The following FLYWCH1 variants were observed in gnomAD, a reference collection of about 807,000 sequenced individuals.
FLYWCH1 encodes the protein FLYWCH-type zinc finger 1.
A neutral mutation model predicts 66.4 loss-of-function variants in FLYWCH1; 75 were observed. The ratio of observed to expected loss-of-function variants is 1.13; its 90% confidence interval spans 0.94 to 1.37. The LOEUF (loss-of-function observed/expected upper bound fraction) is 1.37, where lower values mean the gene tolerates loss of function less well. Ranked by LOEUF, FLYWCH1 falls within the 40% of genes most tolerant of loss-of-function variation. FLYWCH1 has a pLI of 0.00. For missense variants in FLYWCH1, 1,334 were observed against 1,001.8 expected (o/e 1.33, Z -4.48); for synonymous variants, 595 against 429.9 (o/e 1.38, Z -4.75).
intron 8 of FLYWCH1, 96 bp downstream of exon 8, chr16:2,938,552 C>T (rs2071119015): frequency 8.7e-6 from 10 of 1,150,712 alleles, no homozygotes; most frequent in Non-Finnish European, 1.1e-5. Context: ...ACTGAGCAGA[C>T]TGCTTTTGTG....
chr16:2,936,273 C>A (rs1239360075), intron 6 of FLYWCH1: 1 of 391,958 alleles, frequency 2.6e-6, no homozygotes, highest in Non-Finnish European at 5.1e-6. Flanking sequence ...CACACCACCC[C>A]CTCCCGTGGC....
chr16:2,927,693 T>C (rs2070620508), intron 2 of FLYWCH1, among the ~76,000 whole-genome samples: 2 of 152,188 alleles, frequency 1.3e-5, no homozygotes, highest in South Asian at 4.1e-4. Flanking sequence ...ATCATGAGAC[T>C]CTTAATCTCA....
intron 9 of FLYWCH1, among the ~76,000 whole-genome samples, chr16:2,940,869 AT>A (rs2071232896): frequency 3.5e-5 from 1 of 28,820 alleles, no homozygotes; most frequent in Non-Finnish European, 6.1e-5. Flanking sequence ...CAGGCAGATC[AT>A]TTGTAATTCC....
rs552082643 is a variant in FLYWCH1 at position 2,916,189 on chromosome 16, A to G, written c.-74+1900A>G. On this transcript the variant is annotated intron_variant, in intron 2 of 9. Transcript: ENST00000253928. ...TGATGAAACCTCATCTCTACTAAAA[A>G]CAAAAGTTAGCTGGGCGTGTTGGTG... Among the ~76,000 whole-genome samples the G allele has an allele frequency of 6.6e-5, 10 of 152,238 alleles. 1 individual carries two copies. The highest frequency in any genetic ancestry group is 2.4e-4 in the African/African-American group (10 of 41,540).
chr16:2,922,292 G>A (rs897975734), intron 2 of FLYWCH1: 2 of 156,496 alleles, frequency 1.3e-5, no homozygotes, highest in Admixed American at 1.3e-4. Flanking sequence ...TACCATATTG[G>A]TCATTCATGT....
intron 9 of FLYWCH1, among the ~76,000 whole-genome samples, chr16:2,941,670 A>T (rs575995349): frequency 6.6e-6 from 1 of 152,116 alleles, no homozygotes; most frequent in East Asian, 1.9e-4. Context: ...TGAGCCCAGG[A>T]GTTCCATACT....
intron 9 of FLYWCH1, among the ~76,000 whole-genome samples, chr16:2,945,314 C>G (rs995309496): frequency 6.6e-6 from 1 of 151,698 alleles, no homozygotes; most frequent in South Asian, 2.1e-4. Context: ...GGTAAAATCC[C>G]GTCTCTACTA....
chr16:2,919,332 C>T (rs2070285262), intron 2 of FLYWCH1, among the ~76,000 whole-genome samples: 1 of 150,228 alleles, frequency 6.7e-6, no homozygotes, highest in Non-Finnish European at 1.5e-5. Context: ...GTGGTATGGT[C>T]TCGGCTCACT....
At position 2,938,242 on chromosome 16, in the gene FLYWCH1, C is replaced by G. The variant is rs376763122; in HGVS notation, c.1836C>G (p.His612Gln). Residue 612 changes from histidine to glutamine, a missense_variant, in exon 8 of 10, where the codon CAC becomes CAG. Transcript: ENST00000253928. The stretch of plus-strand genomic sequence containing the variant: ...CCCTGGGGGGCAGGTTCCTGGTGCA[C>G]GAGTCCTTCCTCTACAGGAAGGAGA... ...RTSLGGRFLV[H>Q]ESFLYRKEKA... 1.9e-6 allele frequency: 3 copies of G among 1,613,106 alleles called. No homozygotes were observed. The highest frequency in any genetic ancestry group is 1.7e-6 in the Non-Finnish European group (2 of 1,179,622).
At chr16:2,942,501 A>G (rs542674166) in intron 9 of FLYWCH1, among the ~76,000 whole-genome samples, 1 of 152,264 alleles carries the variant, frequency 6.6e-6, no homozygotes, top group South Asian at 2.1e-4. Flanking sequence ...AAGCAAAGGA[A>G]TCACAAAGAG....
rs774174319 is a variant in FLYWCH1 at position 2,933,774 on chromosome 16, C to A, written c.1308C>A (p.Phe436Leu). ...GCAGCTTCCTGGTGTACGAGTCCTTCCTCTACCGGCGGGAGAAGGCGGCTG... is the reference window on the plus strand; with the variant it reads ...GCAGCTTCCTGGTGTACGAGTCCTTACTCTACCGGCGGGAGAAGGCGGCTG... ...LGGSFLVYESFLYRREKAAGE... is the reference protein window; with the variant it reads ...LGGSFLVYESLLYRREKAAGE... Residue 436 changes from phenylalanine (F) to leucine (L), a missense_variant, in exon 6 of 10, where the codon TTC (phenylalanine) becomes TTA (leucine). Physicochemically the swap from Phe to Leu is conservative, Grantham distance 22. Coordinates refer to ENST00000253928, the MANE Select transcript of FLYWCH1 (RefSeq NM_001308068.2). 6.2e-7 allele frequency: 1 copy of A among 1,613,152 alleles called. No homozygotes were observed. Among genetic ancestry groups the A allele is most frequent in the Non-Finnish European group, 8.5e-7 (1 of 1,179,652 alleles).
Position 2,938,390 on chromosome 16 carries a change from C to T in FLYWCH1, c.1984C>T (p.Leu662=). The change falls in exon 8 of 10, where the codon CTG becomes TTG. Residue 662 remains leucine, a synonymous_variant. Coordinates refer to ENST00000253928, the MANE Select transcript of FLYWCH1 (RefSeq NM_001308068.2). ...VMRSHCHQPD[L]AGLEALRQRE... is the part of the protein sequence containing the mutation. ...GCGCAGCCACTGCCATCAGCCTGAC[C>T]TGGCAGGCCTGGAGGCCTTGAGGCA... 6.4e-7 allele frequency: 1 copy of T among 1,564,318 alleles called. No homozygotes were observed. The highest frequency in any genetic ancestry group is 1.2e-5 in the South Asian group (1 of 83,176).
intron 2 of FLYWCH1, among the ~76,000 whole-genome samples, chr16:2,925,804 C>T (rs536752398): frequency 6.6e-6 from 1 of 152,100 alleles, no homozygotes; most frequent in Non-Finnish European, 1.5e-5. Context: ...GGGACCGGGC[C>T]TTAATGGAGT....
intron 1 of FLYWCH1, chr16:2,913,178 G>A (rs1475494504): frequency 1.3e-5 from 2 of 152,248 alleles, no homozygotes; most frequent in African/African-American, 4.8e-5. Context: ...ACCCTATGTG[G>A]AGAATTGGAG....
chr16:2,940,637 T>C (rs773436992), intron 9 of FLYWCH1, among the ~76,000 whole-genome samples: 4 of 152,178 alleles, frequency 2.6e-5, no homozygotes, highest in Non-Finnish European at 4.4e-5. Flanking sequence ...GGTTTTATCA[T>C]GGTGGCCAGG....
intron 2 of FLYWCH1, among the ~76,000 whole-genome samples, chr16:2,923,495 C>G (rs1016375530): frequency 2.6e-5 from 4 of 152,168 alleles, no homozygotes; most frequent in African/African-American, 9.6e-5. Context: ...ATCCGCCCGC[C>G]TCAGCCTCCC....
chr16:2,947,763 CAA>C (rs552849157), intron 9 of FLYWCH1, among the ~76,000 whole-genome samples: 69,734 of 126,064 alleles, frequency 0.55, 18,169 homozygotes, highest in African/African-American at 0.67. Flanking sequence ...ACTCTTATCT[CAA>C]AAAAAAAAAA....
At chr16:2,945,760 G>A (rs2071454973) in intron 9 of FLYWCH1, among the ~76,000 whole-genome samples, 1 of 152,100 alleles carries the variant, frequency 6.6e-6, no homozygotes, top group Non-Finnish European at 1.5e-5. Context: ...CACTTTGGGA[G>A]GCCAAGGTGG....
chr16:2,941,504 T>A (rs988892602), intron 9 of FLYWCH1, among the ~76,000 whole-genome samples: 1 of 151,744 alleles, frequency 6.6e-6, no homozygotes, highest in Non-Finnish European at 1.5e-5. Flanking sequence ...CGCTTGAACC[T>A]GGGAGATTGA....
Sources: gnomAD v4.1 joint callset for allele counts (sites outside exome capture counted in the v4.1 genomes callset) on GRCh38, gnomAD v4.1.1 for gene constraint, MANE v1.5 for transcripts, NCBI Gene and HGNC (gene_info 2026-07-23, HGNC 2026-07-21) for gene names.